The following UQCRB variants were observed in gnomAD, a reference collection of about 807,000 sequenced individuals.
UQCRB encodes cytochrome b-c1 complex subunit 7.
UQCRB carries 12 observed loss-of-function variants against 19.8 expected under a neutral mutation model. That is an observed-to-expected ratio of 0.61 (90% CI 0.39 to 0.98). The LOEUF is 0.98. UQCRB is among the 50% of genes least tolerant of loss of function. The pLI, the probability that UQCRB is intolerant of heterozygous loss-of-function variation, is 0.00. For missense variants in UQCRB, 142 were observed against 131.8 expected, an observed-to-expected ratio of 1.08 and a Z score of -0.38; for synonymous variants, 39 against 42.9, an observed-to-expected ratio of 0.91 and a Z score of 0.35.
rs1041617741 is a variant in UQCRB, at chr8:96,226,484, T to C, written c.*4571A>G. The C allele has an allele frequency of 5.4e-6, 1 of 185,306 alleles. No individual in the cohort carries two copies. Among genetic ancestry groups the C allele is most frequent in the Non-Finnish European group, 1.1e-5 (1 of 88,972 alleles). 11.5% of individuals were successfully genotyped at this position (185,306 alleles called of 1,614,324 possible). On this transcript the variant is annotated 3_prime_UTR_variant, in exon 4 of 4. Coordinates refer to ENST00000287022, the MANE Select transcript of UQCRB (RefSeq NM_006294.5). ...TAATGACTTGCCTAAATCATTGGCCTCAGATCAGTGTTTCCAGTTTAATGG... is the reference window on the plus strand; with the variant it reads ...TAATGACTTGCCTAAATCATTGGCCCCAGATCAGTGTTTCCAGTTTAATGG...
rs1377370666 is a variant in UQCRB at position 96,224,638 on chromosome 8, C to G, written c.*6417G>C. Reference sequence around the variant, plus strand: ...GCCCCTCCGGACCTCTCTCTTTTACCCTTCCTCACATCCACCTCTTACACA... The same window carrying G: ...GCCCCTCCGGACCTCTCTCTTTTACGCTTCCTCACATCCACCTCTTACACA... On this transcript the variant is annotated 3_prime_UTR_variant, in exon 4 of 4. Transcript: ENST00000287022. 1.3e-5 allele frequency among the ~76,000 whole-genome samples: 2 copies of G among 152,146 alleles called. No homozygotes were observed. The highest frequency in any genetic ancestry group is 4.8e-5 in the African/African-American group (2 of 41,432).
In UQCRB at chr8:96,233,140, C is replaced by T. The variant is rs114435805; in HGVS notation, c.91+16G>A. 3 of 1,606,376 alleles carry T rather than the reference C, an allele frequency of 1.9e-6. No homozygotes were observed. The highest frequency in any genetic ancestry group is 1.7e-5 in the Admixed American group (1 of 59,890). ...AACAACAACAACAAAAAACATTAAACAGCACAGCTGCTTACCCAGTTTATT... is the reference window on the plus strand; with the variant it reads ...AACAACAACAACAAAAAACATTAAATAGCACAGCTGCTTACCCAGTTTATT... On this transcript the variant is annotated intron_variant, in intron 2 of 3. Transcript: ENST00000287022.
At position 96,227,590 on chromosome 8, in the gene UQCRB, A is replaced by G. The variant is rs1809554667; in HGVS notation, c.*3465T>C. On this transcript the variant is annotated 3_prime_UTR_variant, in exon 4 of 4. Transcript: ENST00000287022. ...CTCTTCATCCATCAAGCTGTCAAGG[A>G]TTTGGTTATGACAATCTTCATGTTC... The G allele has an allele frequency of 2.2e-6, 1 of 453,994 alleles. No individual in the cohort carries two copies. The highest frequency in any genetic ancestry group is 2.3e-5 in the Admixed American group (1 of 42,560). The allele number at this position is 453,994 out of a possible 1,614,324, so 28.1% of individuals were successfully genotyped here.
rs1003469803 is a variant in UQCRB, at chr8:96,231,517, T to G, written c.258+257A>C. 10 of 1,526,798 alleles carry G rather than the reference T, an allele frequency of 6.5e-6. No homozygotes were observed. In the Admixed American group the frequency reaches 2.0e-4, roughly 30 times the overall value. The allele number at this position is 1,526,798 out of a possible 1,614,324, so 94.6% of individuals were successfully genotyped here. A position where few individuals can be genotyped will look rare whatever the true frequency, so the allele number is the denominator to read the frequency against. ...GTGCAGAGCTGGAACAGCAAAGACC[T>G]GGGAGGCAACAGACCTGGATTTTAG... is the stretch of plus-strand genomic sequence containing the variant. On this transcript the variant is annotated intron_variant, in intron 3 of 3. Transcript: ENST00000287022.
chr8:96,231,406 G>T (rs36123415), intron 3 of UQCRB: 2 of 1,537,302 alleles, frequency 1.3e-6, no homozygotes, highest in Non-Finnish European at 1.7e-6. Context: ...GCAGTTCAAG[G>T]GGTGAGAGTT....
intron 3 of UQCRB, chr8:96,231,483 G>A: frequency 2.6e-6 from 4 of 1,534,574 alleles, no homozygotes; most frequent in Non-Finnish European, 3.5e-6. Flanking sequence ...CATCTAAGTA[G>A]GAAGCAGAGT....
chr8:96,231,425 A>C, intron 3 of UQCRB: 1 of 1,536,430 alleles, frequency 6.5e-7, no homozygotes, highest in South Asian at 1.2e-5. Context: ...TTTGCTTCAC[A>C]GAAGCTCTTC....
Position 96,228,784 on chromosome 8 carries a change from G to A in UQCRB, c.*2271C>T. 2.2e-6 allele frequency: 1 copy of A among 454,054 alleles called. No homozygotes were observed. Among genetic ancestry groups the A allele is most frequent in the Non-Finnish European group, 4.4e-6 (1 of 226,784 alleles). 28.1% of individuals were successfully genotyped at this position (454,054 alleles called of 1,614,324 possible). A position where few individuals can be genotyped will look rare whatever the true frequency, so the allele number is the denominator to read the frequency against. ...AGTGAGCAAATAGATTCAGACCTGTGCAGTCTAACCCAGAATTAGCTCTGA... is the reference window on the plus strand; with the variant it reads ...AGTGAGCAAATAGATTCAGACCTGTACAGTCTAACCCAGAATTAGCTCTGA... On this transcript the variant is annotated 3_prime_UTR_variant, in exon 4 of 4. Coordinates refer to ENST00000287022, the MANE Select transcript of UQCRB (RefSeq NM_006294.5).
chr8:96,226,928 T>C lies in UQCRB; in HGVS notation c.*4127A>G, dbSNP rs1392003393. The C allele has an allele frequency of 2.2e-6, 1 of 453,904 alleles. No individual in the cohort carries two copies. The highest frequency in any genetic ancestry group is 2.0e-5 in the African/African-American group (1 of 49,996). 28.1% of individuals were successfully genotyped at this position (453,904 alleles called of 1,614,324 possible). On this transcript the variant is annotated 3_prime_UTR_variant, in exon 4 of 4. Transcript: ENST00000287022. ...CAGTTCTTCTTTCTTGCTCAATTGC[T>C]AATACAATAAAATTTCTTAGCAAAA...
At position 96,230,900 on chromosome 8, in the gene UQCRB, T is replaced by C. The variant is rs564426718; in HGVS notation, c.*155A>G. Reference sequence around the variant, plus strand: ...ATTTAACAGTAAAGGGATTCAGTAGTTATTCAGTATAAGGTTTGGAATTCA... The same window carrying C: ...ATTTAACAGTAAAGGGATTCAGTAGCTATTCAGTATAAGGTTTGGAATTCA... On this transcript the variant is annotated 3_prime_UTR_variant, in exon 4 of 4. Transcript: ENST00000287022. 2 of 832,822 alleles carry C rather than the reference T, an allele frequency of 2.4e-6. No individual in the cohort carries two copies. Among genetic ancestry groups the C allele is most frequent in the African/African-American group, 3.4e-5 (2 of 59,580 alleles). 51.6% of individuals were successfully genotyped at this position (832,822 alleles called of 1,614,324 possible).
Position 96,224,601 on chromosome 8 carries a change from C to A in UQCRB, c.*6454G>T, listed in dbSNP as rs1809497036. Among the ~76,000 whole-genome samples the A allele has an allele frequency of 6.6e-6, 1 of 152,166 alleles. No individual in the cohort carries two copies. Reference sequence around the variant, plus strand: ...CAGGCTGCATCACCCTCAACAGACCCGTGTTTGTGGAGCCCCTCCGGACCT... The same window carrying A: ...CAGGCTGCATCACCCTCAACAGACCAGTGTTTGTGGAGCCCCTCCGGACCT... On this transcript the variant is annotated 3_prime_UTR_variant, in exon 4 of 4. Transcript: ENST00000287022.
Position 96,225,620 on chromosome 8 carries a change from T to C in UQCRB, c.*5435A>G, listed in dbSNP as rs1809512783. ...CCTAGACATACATCCTGCACTTCCA[T>C]GCCTTTGAGCATTTCCTGCTCATTT... On this transcript the variant is annotated 3_prime_UTR_variant, in exon 4 of 4. Transcript: ENST00000287022. Among the ~76,000 whole-genome samples the C allele has an allele frequency of 6.6e-6, 1 of 151,920 alleles. No individual in the cohort carries two copies. The highest frequency in any genetic ancestry group is 6.6e-5 in the Admixed American group (1 of 15,244).
chr8:96,226,260 C>T lies in UQCRB; in HGVS notation c.*4795G>A, dbSNP rs1417395625. The T allele has an allele frequency of 5.3e-5, 8 of 152,272 alleles. No homozygotes were observed. The allele number at this position is 152,272 out of a possible 1,614,324, so 9.4% of individuals were successfully genotyped here. A position where few individuals can be genotyped will look rare whatever the true frequency, so the allele number is the denominator to read the frequency against. On this transcript the variant is annotated 3_prime_UTR_variant, in exon 4 of 4. Transcript: ENST00000287022. ...ACAATGGGCATTATAATAGCCATGC[C>T]AGAAGGTTGCAGGGAGGATTAAAAG...
chr8:96,227,120 A>T lies in UQCRB; in HGVS notation c.*3935T>A, dbSNP rs1049936149. The T allele has an allele frequency of 1.1e-5, 5 of 452,776 alleles. No homozygotes were observed. The highest frequency in any genetic ancestry group is 1.0e-4 in the African/African-American group (5 of 49,866). 28.0% of individuals were successfully genotyped at this position (452,776 alleles called of 1,614,324 possible). A position where few individuals can be genotyped will look rare whatever the true frequency, so the allele number is the denominator to read the frequency against. On this transcript the variant is annotated 3_prime_UTR_variant, in exon 4 of 4. Coordinates refer to ENST00000287022, the MANE Select transcript of UQCRB (RefSeq NM_006294.5). ...TTTATTAGGTGTTCCTTATACAGTC[A>T]TCTGGTATGTTTAAAGAGTGAGCAA...
Position 96,233,136 on chromosome 8 carries a change from T to C in UQCRB, c.91+20A>G. 2 of 1,608,834 alleles carry C rather than the reference T, an allele frequency of 1.2e-6. No homozygotes were observed. The highest frequency in any genetic ancestry group is 1.7e-6 in the Non-Finnish European group (2 of 1,177,766). ...AAACAACAACAACAACAAAAAACAT[T>C]AAACAGCACAGCTGCTTACCCAGTT... On this transcript the variant is annotated intron_variant, in intron 2 of 3. Coordinates refer to ENST00000287022, the MANE Select transcript of UQCRB (RefSeq NM_006294.5).
rs1809629943 is a variant in UQCRB, at chr8:96,230,182, T to A, written c.*873A>T. 4.4e-6 allele frequency: 2 copies of A among 452,196 alleles called. No individual in the cohort carries two copies. The allele number at this position is 452,196 out of a possible 1,614,324, so 28.0% of individuals were successfully genotyped here. On this transcript the variant is annotated 3_prime_UTR_variant, in exon 4 of 4. Coordinates refer to ENST00000287022, the MANE Select transcript of UQCRB (RefSeq NM_006294.5). ...CCTCCACCTCCTGGGGTCAAGCAAT[T>A]CTCCTCCCTCAGCCTCCCGAGTAGC...
rs1809662065 is a variant in UQCRB at position 96,231,138 on chromosome 8, G to C, written c.259-6C>G. 6.2e-7 allele frequency: 1 copy of C among 1,613,986 alleles called. No individual in the cohort carries two copies. Among genetic ancestry groups the C allele is most frequent in the Middle Eastern group, 1.7e-4 (1 of 6,056 alleles). ...GGTTCAAGGTAGAAATTTTCCTAAA[G>C]AATGAATGAAATATTATATGTTACC... is the stretch of plus-strand genomic sequence containing the variant. On this transcript the variant is annotated splice_region_variant and splice_polypyrimidine_tract_variant and intron_variant, in intron 3 of 3. Transcript: ENST00000287022.
At position 96,227,373 on chromosome 8, in the gene UQCRB, C is replaced by T. The variant is rs538222394; in HGVS notation, c.*3682G>A. ...GAATGGAGAAATCTTCCATAGTGCT[C>T]GTGTGATGTACACTAAGTTGTAAAG... On this transcript the variant is annotated 3_prime_UTR_variant, in exon 4 of 4. Coordinates refer to ENST00000287022, the MANE Select transcript of UQCRB (RefSeq NM_006294.5). The T allele has an allele frequency of 2.4e-5, 11 of 453,864 alleles. No homozygotes were observed. The highest frequency in any genetic ancestry group is 4.0e-5 in the Non-Finnish European group (9 of 226,790). The allele number at this position is 453,864 out of a possible 1,614,324, so 28.1% of individuals were successfully genotyped here. A position where few individuals can be genotyped will look rare whatever the true frequency, so the allele number is the denominator to read the frequency against.
In UQCRB at chr8:96,225,930, C is replaced by A. The variant is rs921817039; in HGVS notation, c.*5125G>T. 2.0e-5 allele frequency: 3 copies of A among 152,048 alleles called. No individual in the cohort carries two copies. The highest frequency in any genetic ancestry group is 2.9e-5 in the Non-Finnish European group (2 of 68,010). The allele number at this position is 152,048 out of a possible 1,614,324, so 9.4% of individuals were successfully genotyped here. A position where few individuals can be genotyped will look rare whatever the true frequency, so the allele number is the denominator to read the frequency against. On this transcript the variant is annotated 3_prime_UTR_variant, in exon 4 of 4. Coordinates refer to ENST00000287022, the MANE Select transcript of UQCRB (RefSeq NM_006294.5). The stretch of plus-strand genomic sequence containing the variant: ...TTTTTAGCTGGGAGCAATTCTGCTC[C>A]CCCAGGGGAACATTTCCAGACAATG...
Sources: allele counts gnomAD v4.1 joint callset (sites outside exome capture counted in the v4.1 genomes callset), GRCh38; gene constraint gnomAD v4.1.1; transcripts MANE v1.5; gene names NCBI Gene and HGNC (gene_info 2026-07-23, HGNC 2026-07-21).